The following SH3PXD2B variants were observed in gnomAD, a reference collection of about 807,000 sequenced individuals.
SH3PXD2B encodes SH3 and PX domain-containing protein 2B.
In SH3PXD2B, 37 loss-of-function variants were observed where a neutral mutation model predicts 73.1. The observed-to-expected ratio is 0.51, with a 90% CI of 0.39 to 0.67. SH3PXD2B has a LOEUF of 0.67. Among genes scored for constraint, SH3PXD2B ranks in the 30% least tolerant of loss-of-function variants. The pLI, the probability that SH3PXD2B is intolerant of heterozygous loss-of-function variation, is 0.00. For missense variants in SH3PXD2B, 1,053 were observed against 1,197.8 expected (o/e 0.88, Z 1.78); for synonymous variants, 457 against 480.5 (o/e 0.95, Z 0.64).
At chr5:172,398,849 G>A (rs934789723) in intron 3 of SH3PXD2B, among the ~76,000 whole-genome samples, 5 of 152,258 alleles carry the variant, frequency 3.3e-5, no homozygotes, top group East Asian at 3.9e-4. Flanking sequence ...ACTGGAATTC[G>A]TAGAGGAAAT....
chr5:172,339,376 T>G lies in SH3PXD2B; in HGVS notation c.1729A>C (p.Arg577=), dbSNP rs1410806750. Residue 577 remains arginine (R), a synonymous_variant, in exon 13 of 13, where the codon AGG becomes CGG. Transcript: ENST00000311601. This position sits in a 1 kb window ranked among gnomAD's most constrained non-coding sequence, Gnocchi z 6.1. ...KHIPPARDSR[R]PEPKPDKSRL... ...CTTTTGTCAGGTTTGGGCTCTGGCC[T>G]CCTGCTGTCCCGGGCTGGAGGGATG... 1 of 1,614,166 alleles carries G rather than the reference T, an allele frequency of 6.2e-7. No homozygotes were observed. Among genetic ancestry groups the G allele is most frequent in the East Asian group, 2.2e-5 (1 of 44,868 alleles).
At chr5:172,413,373 C>T (rs34108515) in intron 2 of SH3PXD2B, among the ~76,000 whole-genome samples, 46,311 of 152,160 alleles carry the variant, frequency 0.3, 7,601 homozygotes, top group East Asian at 0.67. Flanking sequence ...CCACCACCTC[C>T]GGTCTGTCCG....
chr5:172,360,721 G>A (rs2569229), intron 7 of SH3PXD2B, among the ~76,000 whole-genome samples: 58,434 of 151,702 alleles, frequency 0.39, 11,600 homozygotes, highest in East Asian at 0.65. Context: ...AGTCCCAGCT[G>A]CTTGGGAGGC....
At chr5:172,327,734 G>A (rs979172816) in intron 12 of SH3PXD2B, among the ~76,000 whole-genome samples, 1 of 142,854 alleles carries the variant, frequency 7.0e-6, no homozygotes, top group Non-Finnish European at 1.5e-5. Flanking sequence ...AACTACGGGT[G>A]CATACCACTG....
At chr5:172,400,431 T>C (rs976949754) in intron 3 of SH3PXD2B, among the ~76,000 whole-genome samples, 3 of 152,182 alleles carry the variant, frequency 2.0e-5, no homozygotes, top group African/African-American at 4.8e-5. Flanking sequence ...TCATTCTACT[T>C]TGCATAGGAG....
intron 12 of SH3PXD2B, among the ~76,000 whole-genome samples, chr5:172,344,967 G>GGA (rs1756957116): frequency 6.7e-6 from 1 of 149,584 alleles, no homozygotes; most frequent in African/African-American, 2.5e-5. Flanking sequence ...AGGAAGGAAG[G>GGA]AGGGAGAGAA....
downstream of SH3PXD2B, among the ~76,000 whole-genome samples, chr5:172,330,019 T>C (rs80328159): frequency 2.0e-5 from 3 of 152,186 alleles, no homozygotes; most frequent in African/African-American, 7.2e-5. Flanking sequence ...GGGTTGTGTT[T>C]CCCTTATCCA....
intron 1 of SH3PXD2B, among the ~76,000 whole-genome samples, chr5:172,440,179 A>G (rs2113503668): frequency 6.6e-6 from 1 of 152,354 alleles, no homozygotes; most frequent in Middle Eastern, 3.4e-3. Context: ...AGAGCTGTCC[A>G]GAGTGAATGG....
At chr5:172,401,028 C>T (rs900025705) in intron 3 of SH3PXD2B, among the ~76,000 whole-genome samples, 2 of 152,204 alleles carry the variant, frequency 1.3e-5, no homozygotes, top group Non-Finnish European at 2.9e-5. Flanking sequence ...GGCGTTACAT[C>T]AATCTATTCA....
downstream of SH3PXD2B, among the ~76,000 whole-genome samples, chr5:172,332,126 T>G (rs1390668046): frequency 6.6e-6 from 1 of 152,142 alleles, no homozygotes; most frequent in Non-Finnish European, 1.5e-5. Flanking sequence ...ATGAGGCGGA[T>G]GCCCCTCCAG....
chr5:172,439,286 AAAAAACC>A (rs374561054), intron 1 of SH3PXD2B, among the ~76,000 whole-genome samples: 2,219 of 83,984 alleles, frequency 0.026, 180 homozygotes, highest in African/African-American at 0.091. Flanking sequence ...CAAAACAAAA[AAAAAACC>A]CCAAAAAAAA....
intron 2 of SH3PXD2B, 27 bp from the exon 3 acceptor site, chr5:172,406,379 A>G: frequency 1.2e-6 from 2 of 1,611,944 alleles, no homozygotes; most frequent in Non-Finnish European, 8.5e-7. Context: ...TACCAAAAAC[A>G]AAAACCTTTC....
intron 10 of SH3PXD2B, among the ~76,000 whole-genome samples, chr5:172,348,679 C>CT (rs1214044575): frequency 7.7e-6 from 1 of 129,542 alleles, no homozygotes; most frequent in Non-Finnish European, 1.7e-5. Flanking sequence ...ATCTATCTAT[C>CT]TATCTATCTA....
chr5:172,373,152 C>T (rs187789718), intron 6 of SH3PXD2B, among the ~76,000 whole-genome samples: 1 of 152,206 alleles, frequency 6.6e-6, no homozygotes. Flanking sequence ...CTTGACGCTG[C>T]ATCTGTCATT....
rs991408258 is a variant in SH3PXD2B at position 172,445,923 on chromosome 5, C to T, written c.75+8355G>A. On this transcript the variant is annotated intron_variant, in intron 1 of 12. Transcript: ENST00000311601. The surrounding 1 kb of genome is among the most constrained non-coding windows in gnomAD (Gnocchi z 5.2). The stretch of plus-strand genomic sequence containing the variant: ...TGGGGCAGAGGCCGATGGCTTGTGG[C>T]GGAGCTCAGGTCCGCAGGCTTCTGC... Among the ~76,000 whole-genome samples the T allele has an allele frequency of 1.4e-4, 22 of 152,212 alleles. No individual in the cohort carries two copies. Among genetic ancestry groups the T allele is most frequent in the East Asian group, 5.8e-4 (3 of 5,192 alleles).
chr5:172,444,448 A>G (rs762221749), intron 1 of SH3PXD2B, among the ~76,000 whole-genome samples: 4 of 152,204 alleles, frequency 2.6e-5, no homozygotes, highest in Non-Finnish European at 5.9e-5. Context: ...AATACTCCTT[A>G]TCTCACAGAG....
chr5:172,377,970 A>G (rs1200159012), intron 5 of SH3PXD2B, among the ~76,000 whole-genome samples: 1 of 150,464 alleles, frequency 6.6e-6, no homozygotes, highest in Non-Finnish European at 1.5e-5. Context: ...GGCTGGATGC[A>G]GCATGGGCTG....
chr5:172,348,638 GTATCTATCTATCTATCC>G (rs1485398411), intron 10 of SH3PXD2B, among the ~76,000 whole-genome samples: 23 of 72,564 alleles, frequency 3.2e-4, no homozygotes, highest in Admixed American at 4.6e-4. Context: ...ATCTATCTAT[GTATCTATCTATCTATCC>G]TATCTATCTA....
intron 5 of SH3PXD2B, 116 bp from the exon 6 acceptor site, chr5:172,373,931 A>G: frequency 1.7e-6 from 2 of 1,165,050 alleles, no homozygotes; most frequent in South Asian, 1.4e-5. Flanking sequence ...TCATCAGTGA[A>G]TGAATAAAAT....
Sources: gnomAD v4.1 joint callset for allele counts (sites outside exome capture counted in the v4.1 genomes callset) on GRCh38, gnomAD v4.1.1 for gene constraint, Gnocchi (gnomAD v3.1) non-coding constraint, MANE v1.5 for transcripts, NCBI Gene and HGNC (gene_info 2026-07-23, HGNC 2026-07-21) for gene names.